NT5C2: variants seen among roughly 807,000 people sequenced by gnomAD.
The protein encoded by NT5C2 is 5'-nucleotidase, cytosolic II.
Under a neutral mutation model 76.1 loss-of-function variants are expected in NT5C2, and 58 were observed. The ratio of observed to expected loss-of-function variants is 0.76; its 90% CI spans 0.62 to 0.95. NT5C2 has a LOEUF of 0.95. NT5C2 is among the 40% of genes least tolerant of loss of function. The pLI, the probability that NT5C2 is intolerant of heterozygous loss-of-function variation, is 0.00. For synonymous variants in NT5C2, 229 were observed against 237.4 expected (o/e 0.96, Z 0.32); for missense variants, 478 against 690.3 (o/e 0.69, Z 3.45).
At chr10:103,180,144 ATGAAG>A (rs2135185993) in intron 2 of NT5C2, among the ~76,000 whole-genome samples, 1 of 152,368 alleles carries the variant, frequency 6.6e-6, no homozygotes, top group South Asian at 2.1e-4. Context: ...AAATAAGCAT[ATGAAG>A]TGATGTTTAA....
At chr10:103,158,145 T>A in intron 3 of NT5C2, among the ~76,000 whole-genome samples, 1 of 149,550 alleles carries the variant, frequency 6.7e-6, no homozygotes, top group Non-Finnish European at 1.5e-5. Flanking sequence ...TCCTAAATAA[T>A]AGAAATCACA....
intron 1 of NT5C2, among the ~76,000 whole-genome samples, chr10:103,185,649 C>CA (rs78374465): frequency 0.18 from 12,798 of 70,516 alleles, 751 homozygotes; most frequent in Middle Eastern, 0.28. Context: ...ACCCTGTCTC[C>CA]AAAAAAAAAA....
chr10:103,156,436 G>A (rs1305569885), intron 3 of NT5C2, among the ~76,000 whole-genome samples: 1 of 152,198 alleles, frequency 6.6e-6, no homozygotes, highest in Non-Finnish European at 1.5e-5. Flanking sequence ...AATGGATGTA[G>A]TAACAATTAA....
At chr10:103,183,633 T>TAC (rs1381753250) in intron 1 of NT5C2, among the ~76,000 whole-genome samples, 9 of 149,128 alleles carry the variant, frequency 6.0e-5, no homozygotes, top group Admixed American at 6.8e-5. Context: ...TATATATATA[T>TAC]ACATATACAT....
At chr10:103,186,446 G>A (rs1459982918) in intron 1 of NT5C2, among the ~76,000 whole-genome samples, 1 of 152,202 alleles carries the variant, frequency 6.6e-6, no homozygotes. Flanking sequence ...ATCAGAGGCT[G>A]TAACAATTTC....
intron 3 of NT5C2, among the ~76,000 whole-genome samples, chr10:103,142,310 T>C (rs1055641156): frequency 5.3e-5 from 8 of 152,080 alleles, no homozygotes; most frequent in South Asian, 2.1e-4. Context: ...TATGAAGACA[T>C]AGGAAAAACT....
intron 4 of NT5C2, among the ~76,000 whole-genome samples, chr10:103,126,299 T>C (rs929246396): frequency 6.6e-6 from 1 of 152,098 alleles, no homozygotes; most frequent in South Asian, 2.1e-4. Flanking sequence ...GAAAGAGGAA[T>C]TGTAAATAGG....
chr10:103,192,961 G>A (rs988905395), intron 1 of NT5C2, among the ~76,000 whole-genome samples: 5 of 152,118 alleles, frequency 3.3e-5, no homozygotes, highest in Non-Finnish European at 7.4e-5. Context: ...GCGCGAGCGT[G>A]ACGTGGGCCG....
At chr10:103,132,923 A>G (rs935067509) in intron 4 of NT5C2, among the ~76,000 whole-genome samples, 2 of 152,228 alleles carry the variant, frequency 1.3e-5, no homozygotes, top group African/African-American at 4.8e-5. Context: ...TGGTAGACAC[A>G]ACAATGTGAA....
At chr10:103,189,052 T>G (rs914117505) in intron 1 of NT5C2, among the ~76,000 whole-genome samples, 3 of 151,294 alleles carry the variant, frequency 2.0e-5, no homozygotes, top group Admixed American at 2.0e-4. Context: ...ACTATGTGCT[T>G]GGAAAGAGAA....
intron 3 of NT5C2, among the ~76,000 whole-genome samples, chr10:103,158,759 T>C (rs1443467158): frequency 2.0e-5 from 3 of 149,766 alleles, no homozygotes; most frequent in East Asian, 3.9e-4. Flanking sequence ...CGGAGGTTGC[T>C]GTGAGCCGAG....
intron 4 of NT5C2, among the ~76,000 whole-genome samples, chr10:103,114,138 G>A (rs1317977882): frequency 6.6e-6 from 1 of 152,168 alleles, no homozygotes; most frequent in African/African-American, 2.4e-5. Flanking sequence ...CAATTAGGCC[G>A]GCTTGGTGGC....
intron 4 of NT5C2, among the ~76,000 whole-genome samples, chr10:103,127,245 T>C (rs2076837924): frequency 6.6e-6 from 1 of 152,232 alleles, no homozygotes; most frequent in African/African-American, 2.4e-5. Flanking sequence ...ATTCTATGGG[T>C]AGTAGATTCA....
intron 10 of NT5C2, chr10:103,098,654 A>G (rs2134973984): frequency 2.8e-6 from 1 of 362,232 alleles, no homozygotes; most frequent in Non-Finnish European, 5.0e-6. Context: ...AACTGCTATT[A>G]TAATTGAAGC....
intron 3 of NT5C2, chr10:103,153,806 T>C: frequency 1.0e-6 from 1 of 965,924 alleles, no homozygotes; most frequent in African/African-American, 1.8e-5. Flanking sequence ...TGTAGTTATT[T>C]CCTCCCTCAG....
chr10:103,151,320 C>T (rs1400110666), intron 3 of NT5C2, among the ~76,000 whole-genome samples: 5 of 151,928 alleles, frequency 3.3e-5, no homozygotes, highest in Admixed American at 6.6e-5. Flanking sequence ...TAAAATTAGC[C>T]GGGCATGGTG....
chr10:103,166,659 TTTC>T (rs2086480396), intron 3 of NT5C2, among the ~76,000 whole-genome samples: 1 of 152,214 alleles, frequency 6.6e-6, no homozygotes, highest in South Asian at 2.1e-4. Flanking sequence ...TCTTTCTTTC[TTTC>T]TTTTTTCTAG....
intron 6 of NT5C2, 44 bp from the exon 7 acceptor site, chr10:103,101,370 T>A (rs747007207): frequency 1.1e-5 from 12 of 1,090,188 alleles, no homozygotes; most frequent in Admixed American, 9.7e-5. Flanking sequence ...AAAATAACAT[T>A]ATAATAATTG....
intron 1 of NT5C2, among the ~76,000 whole-genome samples, chr10:103,190,866 A>C (rs530070275): frequency 4.6e-5 from 7 of 152,354 alleles, no homozygotes; most frequent in African/African-American, 1.7e-4. Context: ...GGGGCACATT[A>C]GAGAGCATCT....
Sources: gnomAD v4.1 joint callset for allele counts (sites outside exome capture counted in the v4.1 genomes callset) on GRCh38, gnomAD v4.1.1 for gene constraint, MANE v1.5 for transcripts, NCBI Gene and HGNC (gene_info 2026-07-23, HGNC 2026-07-21) for gene names.